The following PTPRT variants were observed in gnomAD, a reference collection of about 807,000 sequenced individuals.
PTPRT encodes the protein protein tyrosine phosphatase receptor type T.
PTPRT carries 56 observed loss-of-function variants against 176.8 expected under a neutral mutation model. That is an observed-to-expected ratio of 0.32 (90% CI 0.26 to 0.40). The LOEUF is 0.40. PTPRT is among the 10% of genes least tolerant of loss of function. PTPRT has a pLI of 1.00. For missense variants in PTPRT, 1,540 were observed against 1,908.2 expected (o/e 0.81, Z 3.60); for synonymous variants, 783 against 739.0 (o/e 1.06, Z -0.96).
At chr20:42,494,450 TAC>T (rs1410015250) in intron 7 of PTPRT, among the ~76,000 whole-genome samples, 1 of 152,018 alleles carries the variant, frequency 6.6e-6, no homozygotes, top group Non-Finnish European at 1.5e-5. Context: ...TAAAAGGAAA[TAC>T]ACAGAGTAAA....
chr20:42,114,168 A>C (rs186255023), intron 22 of PTPRT, among the ~76,000 whole-genome samples: 7 of 152,356 alleles, frequency 4.6e-5, no homozygotes, highest in Non-Finnish European at 7.3e-5. Flanking sequence ...CCTATGGTGT[A>C]ATGGAAAGAG....
At chr20:42,696,025 G>A (rs1433597631) in intron 6 of PTPRT, among the ~76,000 whole-genome samples, 1 of 152,028 alleles carries the variant, frequency 6.6e-6, no homozygotes, top group Non-Finnish European at 1.5e-5. Flanking sequence ...TTCTAGCAGA[G>A]TACAGCAAAA....
chr20:42,345,178 AAATT>A (rs1211113505), intron 11 of PTPRT, among the ~76,000 whole-genome samples: 4 of 152,182 alleles, frequency 2.6e-5, no homozygotes, highest in Admixed American at 2.0e-4. Context: ...CCTGAAATTT[AAATT>A]AATTAAAATA....
chr20:42,961,742 T>C (rs1981996108), intron 1 of PTPRT, among the ~76,000 whole-genome samples: 1 of 152,174 alleles, frequency 6.6e-6, no homozygotes, highest in Non-Finnish European at 1.5e-5. Context: ...CCCCAGAACC[T>C]GTGTATATGC....
At chr20:42,412,058 A>T (rs746889994) in intron 9 of PTPRT, among the ~76,000 whole-genome samples, 1 of 152,238 alleles carries the variant, frequency 6.6e-6, no homozygotes, top group Non-Finnish European at 1.5e-5. Flanking sequence ...AAGGTTGATT[A>T]GTTGAAATTC....
chr20:42,257,702 G>A (rs2056673045), intron 13 of PTPRT, among the ~76,000 whole-genome samples: 1 of 133,992 alleles, frequency 7.5e-6, no homozygotes, highest in Admixed American at 9.4e-5. Context: ...TAAGATGCCT[G>A]CTGCCCCTTT....
rs1188119732 is a variant in PTPRT, at chr20:42,355,408, G to T, written c.1561-3123C>A. Among the ~76,000 whole-genome samples the T allele has an allele frequency of 4.6e-5, 7 of 152,206 alleles. No individual in the cohort carries two copies. In the East Asian group the frequency reaches 1.3e-3, roughly 29 times the overall value. Reference sequence around the variant, plus strand: ...AATCCCCATCTCAGGGTCTGCATCTGAGAATGACCAAACTAAGGAAAAATG... The same window carrying T: ...AATCCCCATCTCAGGGTCTGCATCTTAGAATGACCAAACTAAGGAAAAATG... On this transcript the variant is annotated intron_variant, in intron 9 of 30. Transcript: ENST00000373187.
chr20:42,102,498 T>A (rs533575405), intron 25 of PTPRT, among the ~76,000 whole-genome samples: 207 of 152,188 alleles, frequency 1.4e-3, no homozygotes, highest in African/African-American at 4.6e-3. Flanking sequence ...GTGTGAGCTG[T>A]GTGACACCTT....
At chr20:42,947,522 G>T (rs1310170702) in intron 1 of PTPRT, among the ~76,000 whole-genome samples, 1 of 152,184 alleles carries the variant, frequency 6.6e-6, no homozygotes, top group Non-Finnish European at 1.5e-5. Context: ...AAGGAGAGAG[G>T]TCTTCTCTGG....
intron 2 of PTPRT, among the ~76,000 whole-genome samples, chr20:42,824,882 T>C (rs981486452): frequency 1.3e-5 from 2 of 151,898 alleles, no homozygotes; most frequent in African/African-American, 4.8e-5. Flanking sequence ...AAGAATAATA[T>C]CCTTTCTCCA....
chr20:42,119,196 T>A (rs1987456761), intron 20 of PTPRT, among the ~76,000 whole-genome samples: 1 of 152,098 alleles, frequency 6.6e-6, no homozygotes, highest in African/African-American at 2.4e-5. Flanking sequence ...TTTATATGTA[T>A]ATGTGTGTAT....
In PTPRT at chr20:42,119,946, A is replaced by G; in HGVS notation, c.2873T>C (p.Ile958Thr). The G allele has an allele frequency of 6.2e-7, 1 of 1,609,202 alleles. No individual in the cohort carries two copies. Among genetic ancestry groups the G allele is most frequent in the Non-Finnish European group, 8.5e-7 (1 of 1,177,826 alleles). ...GGGAGGGCACTTACCTTGAGTCGCA[A>G]TGTAGTGCCGAGGTCGATGGTATCC... ...IDGYHRPRHYIATQGPMQETV... is the reference protein window; with the variant it reads ...IDGYHRPRHYTATQGPMQETV... The change falls in exon 20 of 31, where the codon ATT becomes ACT. Residue 958 changes from isoleucine to threonine, a missense_variant. Physicochemically the swap from Ile to Thr is moderately conservative, Grantham distance 89. Coordinates refer to ENST00000373187, the MANE Select transcript of PTPRT (RefSeq NM_007050.6).
intron 1 of PTPRT, among the ~76,000 whole-genome samples, chr20:43,127,121 A>C (rs1015593056): frequency 6.6e-6 from 1 of 152,116 alleles, no homozygotes; most frequent in Non-Finnish European, 1.5e-5. Context: ...ACAAGAAAAA[A>C]AATGCAACTC....
chr20:42,769,573 A>T (rs574735560), intron 5 of PTPRT, among the ~76,000 whole-genome samples: 1 of 152,320 alleles, frequency 6.6e-6, no homozygotes, highest in Non-Finnish European at 1.5e-5. Context: ...TGTTCTTTAA[A>T]GTTAAACATA....
At chr20:43,124,577 A>G (rs1433673172) in intron 1 of PTPRT, among the ~76,000 whole-genome samples, 1 of 152,208 alleles carries the variant, frequency 6.6e-6, no homozygotes, top group Non-Finnish European at 1.5e-5. Context: ...AAGATAAATC[A>G]CCTGCACATA....
intron 24 of PTPRT, among the ~76,000 whole-genome samples, chr20:42,106,444 C>T (rs1033441): frequency 1.3e-5 from 2 of 152,348 alleles, no homozygotes; most frequent in East Asian, 1.9e-4. Context: ...GCCAGTCCTT[C>T]TCTTTCCTTC....
chr20:43,127,355 G>A (rs118073521), intron 1 of PTPRT, among the ~76,000 whole-genome samples: 1,854 of 150,228 alleles, frequency 0.012, 18 homozygotes, highest in East Asian at 0.044. Context: ...CCTGGGAGGC[G>A]AAGCTTGTAG....
chr20:42,299,637 T>C (rs2057430376), intron 12 of PTPRT, among the ~76,000 whole-genome samples: 1 of 115,164 alleles, frequency 8.7e-6, no homozygotes, highest in Non-Finnish European at 1.8e-5. Context: ...TCATGAACTT[T>C]TGCCTTTTTT....
At position 42,273,046 on chromosome 20, in the gene PTPRT, A is replaced by G. The variant is rs376955725; in HGVS notation, c.2176+9443T>C. ...GTCTCCCTTCTTGCCCACCAGTGAC[A>G]TCCTGATTTTGCCTTGACGACAGCC... On this transcript the variant is annotated intron_variant, in intron 13 of 30. Transcript: ENST00000373187. Among the ~76,000 whole-genome samples, 87 of 152,306 alleles carry G rather than the reference A, an allele frequency of 5.7e-4. 1 individual carries two copies. In the East Asian group the frequency reaches 0.013, roughly 23 times the overall value.
Sources: gnomAD v4.1 joint callset for allele counts (sites outside exome capture counted in the v4.1 genomes callset) on GRCh38, gnomAD v4.1.1 for gene constraint, MANE v1.5 for transcripts, NCBI Gene and HGNC (gene_info 2026-07-23, HGNC 2026-07-21) for gene names.